Variants in TLE1 observed in about 807,000 individuals in gnomAD.
TLE1 encodes transducin-like enhancer protein 1.
Under a neutral mutation model 89.8 loss-of-function variants are expected in TLE1, and 21 were observed. That is an observed-to-expected ratio of 0.23 (90% confidence interval 0.17 to 0.34). The LOEUF is 0.34. TLE1 is among the 10% of genes least tolerant of loss of function. TLE1 has a pLI of 1.00. For missense variants in TLE1, 795 were observed against 1,031.2 expected (o/e 0.77, Z 3.14); for synonymous variants, 447 against 407.6 (o/e 1.10, Z -1.16).
At chr9:81,684,779 T>G (rs945371724) in intron 4 of TLE1, among the ~76,000 whole-genome samples, 1 of 152,078 alleles carries the variant, frequency 6.6e-6, no homozygotes, top group African/African-American at 2.4e-5. Flanking sequence ...AGACTTATTG[T>G]ACCAGCGTCT....
intron 8 of TLE1, among the ~76,000 whole-genome samples, chr9:81,624,211 T>TA (rs1278497672): frequency 6.6e-6 from 1 of 152,222 alleles, no homozygotes; most frequent in African/African-American, 2.4e-5. Context: ...TGCCTTGCTT[T>TA]AATCAGGTTA....
chr9:81,656,273 T>G (rs904490406), intron 4 of TLE1, among the ~76,000 whole-genome samples: 2 of 152,126 alleles, frequency 1.3e-5, no homozygotes, highest in Non-Finnish European at 2.9e-5. Context: ...AAGGCTTTCC[T>G]TTGCAACAGG....
At position 81,605,902 on chromosome 9, in the gene TLE1, T is replaced by C. The variant is rs564673745; in HGVS notation, c.1331+4318A>G. Among the ~76,000 whole-genome samples the C allele has an allele frequency of 6.6e-3, 992 of 150,818 alleles. 2 individuals are homozygous for C. Among genetic ancestry groups the C allele is most frequent in the Non-Finnish European group, 9.6e-3 (654 of 67,844 alleles). The stretch of plus-strand genomic sequence containing the variant: ...TGACAAAGGGCTAATATCCAGAATC[T>C]ACAAAGAACTTAAACAAATTTACAA... On this transcript the variant is annotated intron_variant, in intron 14 of 19. Transcript: ENST00000376499.
At chr9:81,671,161 C>T (rs1832176046) in intron 4 of TLE1, among the ~76,000 whole-genome samples, 1 of 152,088 alleles carries the variant, frequency 6.6e-6, no homozygotes, top group Non-Finnish European at 1.5e-5. Context: ...GAGTGAGACT[C>T]TGTCTCAAAA....
intron 7 of TLE1, chr9:81,633,848 T>C (rs1026704719): frequency 1.2e-5 from 6 of 487,618 alleles, no homozygotes; most frequent in African/African-American, 3.9e-5. Context: ...CCACTGGCAT[T>C]AACTAGGCAG....
intron 4 of TLE1, among the ~76,000 whole-genome samples, chr9:81,657,539 G>A (rs997279800): frequency 3.9e-5 from 6 of 151,986 alleles, no homozygotes; most frequent in South Asian, 2.1e-4. Flanking sequence ...GAACATGGTC[G>A]GAGGACAGTT....
At chr9:81,596,392 C>T (rs1225152100) in intron 14 of TLE1, among the ~76,000 whole-genome samples, 1 of 151,962 alleles carries the variant, frequency 6.6e-6, no homozygotes, top group South Asian at 2.1e-4. Context: ...AATGAACACG[C>T]CAGAGCAACA....
intron 14 of TLE1, among the ~76,000 whole-genome samples, chr9:81,604,055 C>G (rs149014733): frequency 1.7e-3 from 264 of 152,272 alleles, no homozygotes; most frequent in South Asian, 5.2e-3. Context: ...CTGCTCTGGT[C>G]GCTTCTTTGG....
chr9:81,648,951 C>T (rs1260239868), intron 6 of TLE1, among the ~76,000 whole-genome samples: 1 of 152,128 alleles, frequency 6.6e-6, no homozygotes, highest in Non-Finnish European at 1.5e-5. Context: ...CCAAATAAAC[C>T]TTGTACATAT....
chr9:81,633,706 C>A (rs1827005425), intron 7 of TLE1: 1 of 479,328 alleles, frequency 2.1e-6, no homozygotes. Context: ...GTAACAGATG[C>A]AATTATCAAA....
At chr9:81,654,841 AG>A (rs1215305258) in intron 4 of TLE1, among the ~76,000 whole-genome samples, 2 of 152,200 alleles carry the variant, frequency 1.3e-5, no homozygotes, top group Admixed American at 6.5e-5. Context: ...CAACTGAAAA[AG>A]GATTTTATTG....
At chr9:81,659,613 A>C (rs548288252) in intron 4 of TLE1, among the ~76,000 whole-genome samples, 22 of 152,230 alleles carry the variant, frequency 1.4e-4, no homozygotes, top group Admixed American at 8.5e-4. Context: ...AGGAGTCCAA[A>C]TTACCTGTCT....
intron 14 of TLE1, among the ~76,000 whole-genome samples, chr9:81,603,926 C>T (rs1299800618): frequency 6.6e-6 from 1 of 152,052 alleles, no homozygotes; most frequent in African/African-American, 2.4e-5. Context: ...CGCTTGAACC[C>T]GGGAGGTAGA....
chr9:81,597,014 C>T (rs564597903), intron 14 of TLE1, among the ~76,000 whole-genome samples: 62 of 152,286 alleles, frequency 4.1e-4, no homozygotes, highest in African/African-American at 1.5e-3. Context: ...GGTCCACAGG[C>T]AAATCAAGTG....
chr9:81,641,108 A>C (rs1374388024), intron 6 of TLE1, among the ~76,000 whole-genome samples: 4 of 152,196 alleles, frequency 2.6e-5, no homozygotes, highest in Non-Finnish European at 5.9e-5. Context: ...AACGTGAAAA[A>C]GAGCATTTGT....
intron 6 of TLE1, among the ~76,000 whole-genome samples, chr9:81,641,539 T>A (rs1318230258): frequency 6.6e-6 from 1 of 152,086 alleles, no homozygotes; most frequent in Admixed American, 6.6e-5. Context: ...AAACCATACC[T>A]CAAATAAGAG....
chr9:81,585,086 TGTAGA>T (rs1460999654), intron 18 of TLE1, among the ~76,000 whole-genome samples: 9 of 152,144 alleles, frequency 5.9e-5, no homozygotes, highest in Non-Finnish European at 1.2e-4. Context: ...TCATCCTCAC[TGTAGA>T]GTAGAGTGTA....
rs35060460 is a variant in TLE1 at position 81,675,698 on chromosome 9, G to GTTTTTTT, written c.234+9971_234+9977dup. On this transcript the variant is annotated intron_variant, in intron 4 of 19. Transcript: ENST00000376499. ...AATTTTAGCATAAGGACTCACACTA[G>GTTTTTTT]TTTTTTTTTGTTTTTTTTTTTGAGA... Among the ~76,000 whole-genome samples the GTTTTTTT allele has an allele frequency of 2.3e-3, 300 of 129,570 alleles. 48 individuals are homozygous for GTTTTTTT. Among genetic ancestry groups the GTTTTTTT allele is most frequent in the African/African-American group, 6.2e-3 (189 of 30,360 alleles). 85.0% of individuals were successfully genotyped at this position (129,570 alleles called of 152,430 possible).
intron 4 of TLE1, among the ~76,000 whole-genome samples, chr9:81,679,008 C>T (rs879684396): frequency 7.2e-5 from 11 of 151,978 alleles, no homozygotes; most frequent in African/African-American, 1.7e-4. Context: ...ATTAACCAGG[C>T]GTGGTGATGC....
Sources: allele counts gnomAD v4.1 joint callset (sites outside exome capture counted in the v4.1 genomes callset), GRCh38; gene constraint gnomAD v4.1.1; transcripts MANE v1.5; gene names NCBI Gene and HGNC (gene_info 2026-07-23, HGNC 2026-07-21).